The following INPP4B variants were observed in gnomAD, a reference collection of about 807,000 sequenced individuals.
The protein encoded by INPP4B is inositol polyphosphate-4-phosphatase type II B.
INPP4B carries 55 observed loss-of-function variants against 122.5 expected under a neutral mutation model. The observed-to-expected ratio is 0.45, with a 90% confidence interval of 0.36 to 0.56. The LOEUF is 0.56. Ranked by LOEUF, INPP4B falls within the 20% of genes least tolerant of loss-of-function variation. The pLI, the probability that INPP4B is intolerant of heterozygous loss-of-function variation, is 0.00. For synonymous variants in INPP4B, 403 were observed against 388.7 expected, an observed-to-expected ratio of 1.04 and a Z score of -0.43; for missense variants, 1,000 against 1,097.7, an observed-to-expected ratio of 0.91 and a Z score of 1.26.
chr4:142,705,564 C>T (rs970808941), intron 2 of INPP4B, among the ~76,000 whole-genome samples: 1 of 152,022 alleles, frequency 6.6e-6, no homozygotes, highest in African/African-American at 2.4e-5. Context: ...CTACCACCCT[C>T]GATCATATAT....
At chr4:142,787,963 G>C (rs1397226507) in intron 1 of INPP4B, among the ~76,000 whole-genome samples, 1 of 151,816 alleles carries the variant, frequency 6.6e-6, no homozygotes, top group Non-Finnish European at 1.5e-5. Context: ...TGAGCACAGA[G>C]AGTAGAGCAA....
chr4:142,639,282 G>C (rs1242924047), intron 2 of INPP4B, among the ~76,000 whole-genome samples: 2 of 152,132 alleles, frequency 1.3e-5, no homozygotes, highest in African/African-American at 4.8e-5. Flanking sequence ...CTAATAGAAT[G>C]AGTTAGAAAG....
intron 14 of INPP4B, among the ~76,000 whole-genome samples, chr4:142,206,460 T>C (rs1842635718): frequency 6.6e-6 from 1 of 151,058 alleles, no homozygotes; most frequent in African/African-American, 2.4e-5. Flanking sequence ...ACATAATACA[T>C]CAGAATAAGT....
intron 9 of INPP4B, among the ~76,000 whole-genome samples, chr4:142,299,375 G>A (rs772011602): frequency 3.3e-5 from 5 of 151,800 alleles, no homozygotes; most frequent in African/African-American, 7.2e-5. Context: ...TTATAGTTGC[G>A]AACCACTGAG....
intron 25 of INPP4B, among the ~76,000 whole-genome samples, chr4:142,062,658 C>T: frequency 6.6e-6 from 1 of 152,010 alleles, no homozygotes; most frequent in East Asian, 1.9e-4. Flanking sequence ...ATCACTTGAA[C>T]CTGGGAGGCG....
intron 14 of INPP4B, among the ~76,000 whole-genome samples, chr4:142,201,248 A>G (rs1027682424): frequency 6.6e-6 from 1 of 152,040 alleles, no homozygotes; most frequent in African/African-American, 2.4e-5. Context: ...TTCTCCAGCT[A>G]TGGGTATGTT....
At chr4:142,244,287 C>CTTTTTTTTTTTTTTTTTT (rs56945961) in intron 11 of INPP4B, among the ~76,000 whole-genome samples, 1 of 73,750 alleles carries the variant, frequency 1.4e-5, no homozygotes, top group African/African-American at 5.5e-5. Flanking sequence ...GTATATGTGC[C>CTTTTTTTTTTTTTTTTTT]TTTTTTTTTT....
At chr4:142,296,869 G>A (rs1017261501) in intron 9 of INPP4B, among the ~76,000 whole-genome samples, 3 of 152,130 alleles carry the variant, frequency 2.0e-5, no homozygotes, top group African/African-American at 4.8e-5. Context: ...TCAGGAAATC[G>A]TGTCCCTAAG....
chr4:142,081,942 C>A, intron 25 of INPP4B, 89 bp downstream of exon 25: 1 of 866,410 alleles, frequency 1.2e-6, no homozygotes, highest in Non-Finnish European at 1.6e-6. Context: ...AATATTTAGT[C>A]CTCCAATAAA....
At chr4:142,635,182 G>T (rs763714853) in intron 2 of INPP4B, among the ~76,000 whole-genome samples, 438 of 152,082 alleles carry the variant, frequency 2.9e-3, no homozygotes, top group Non-Finnish European at 4.6e-3. Context: ...AGTCAGAATG[G>T]CTATTATTAA....
chr4:142,248,084 C>T (rs1343119074), intron 11 of INPP4B, among the ~76,000 whole-genome samples: 1 of 152,002 alleles, frequency 6.6e-6, no homozygotes, highest in African/African-American at 2.4e-5. Flanking sequence ...CCTTCCACTC[C>T]CAGGATATGT....
chr4:142,060,276 A>G (rs1464535662), intron 25 of INPP4B, among the ~76,000 whole-genome samples: 5 of 152,306 alleles, frequency 3.3e-5, no homozygotes, highest in Middle Eastern at 3.4e-3. Context: ...CTTAAAGCAC[A>G]GGAAATATAT....
intron 20 of INPP4B, among the ~76,000 whole-genome samples, chr4:142,122,989 T>C (rs571639034): frequency 6.6e-6 from 1 of 152,170 alleles, no homozygotes; most frequent in African/African-American, 2.4e-5. Context: ...GTTCTAGACA[T>C]TACAGGGTTG....
chr4:142,422,224 T>C (rs1229015496), intron 5 of INPP4B, among the ~76,000 whole-genome samples: 1 of 152,126 alleles, frequency 6.6e-6, no homozygotes, highest in African/African-American at 2.4e-5. Flanking sequence ...TTACTCATAA[T>C]GAAATGATAA....
At chr4:142,384,641 C>T (rs751255506) in intron 7 of INPP4B, among the ~76,000 whole-genome samples, 9 of 152,122 alleles carry the variant, frequency 5.9e-5, no homozygotes, top group Non-Finnish European at 1.2e-4. Context: ...CATTATGCAG[C>T]GCATGACTGT....
rs575859871 is a variant in INPP4B, at chr4:142,439,422, C to A, written c.-126-8037G>T. Reference sequence around the variant, plus strand: ...AATAAATCTTTTGCATGTCTCATTTCATCTTGGCATCTGTTTCTGAAAGAC... The same window carrying A: ...AATAAATCTTTTGCATGTCTCATTTAATCTTGGCATCTGTTTCTGAAAGAC... On this transcript the variant is annotated intron_variant, in intron 3 of 25. Coordinates refer to ENST00000262992, the MANE Select transcript of INPP4B (RefSeq NM_001101669.3). 3.9e-5 allele frequency among the ~76,000 whole-genome samples: 6 copies of A among 152,300 alleles called. No individual in the cohort carries two copies. In the East Asian group the frequency reaches 1.2e-3, roughly 29 times the overall value.
chr4:142,517,003 C>A (rs1825495697), intron 2 of INPP4B, among the ~76,000 whole-genome samples: 1 of 151,834 alleles, frequency 6.6e-6, no homozygotes, highest in Admixed American at 6.6e-5. Flanking sequence ...TTTTATTAAA[C>A]TTTTCCCTAC....
At chr4:142,225,684 GATGAAAATTGTATATAGGA>G (rs1286047846) in intron 12 of INPP4B, among the ~76,000 whole-genome samples, 1 of 151,672 alleles carries the variant, frequency 6.6e-6, no homozygotes, top group Non-Finnish European at 1.5e-5. Flanking sequence ...TTGAATTAAT[GATGAAAATTGTATATAGGA>G]ATGAAAGGGG....
chr4:142,835,394 C>T (rs1033208685), intron 1 of INPP4B, among the ~76,000 whole-genome samples: 3 of 152,084 alleles, frequency 2.0e-5, no homozygotes, highest in East Asian at 1.9e-4. Flanking sequence ...TAAATTTGTT[C>T]GTATACCAAG....
Sources: allele counts gnomAD v4.1 joint callset (sites outside exome capture counted in the v4.1 genomes callset), GRCh38; gene constraint gnomAD v4.1.1; transcripts MANE v1.5; gene names NCBI Gene and HGNC (gene_info 2026-07-23, HGNC 2026-07-21).